The following KLHL32 variants were observed in gnomAD, a reference collection of about 807,000 sequenced individuals.
The protein encoded by KLHL32 is kelch-like protein 32.
A neutral mutation model predicts 64.8 loss-of-function variants in KLHL32; 35 were observed. The observed-to-expected ratio is 0.54, with a 90% CI of 0.41 to 0.72. The LOEUF (loss-of-function observed/expected upper bound fraction) is 0.72. Among genes scored for constraint, KLHL32 ranks in the 30% least tolerant of loss-of-function variants. The pLI is 0.00. For missense variants in KLHL32, 589 were observed against 768.5 expected, an observed-to-expected ratio of 0.77 and a Z score of 2.76; for synonymous variants, 259 against 281.0, an observed-to-expected ratio of 0.92 and a Z score of 0.78.
At chr6:97,036,818 C>A (rs1024765584) in intron 3 of KLHL32, among the ~76,000 whole-genome samples, 11 of 152,168 alleles carry the variant, frequency 7.2e-5, no homozygotes, top group African/African-American at 2.4e-4. Context: ...CCAGGGGATG[C>A]AAGGCATGGG....
At chr6:97,029,817 T>C (rs933826676) in intron 3 of KLHL32, among the ~76,000 whole-genome samples, 14 of 152,232 alleles carry the variant, frequency 9.2e-5, no homozygotes, top group Admixed American at 6.5e-5. Context: ...CTAATAACCA[T>C]TAACACTAAA....
At chr6:96,905,900 G>A in the KLHL32 span, among the ~76,000 whole-genome samples, 4 of 152,138 alleles carry the variant, frequency 2.6e-5, no homozygotes, top group African/African-American at 4.8e-5. Context: ...TTTTTAAAAT[G>A]GTGAAGGATA....
chr6:96,913,366 G>A, the KLHL32 span, among the ~76,000 whole-genome samples: 335 of 152,252 alleles, frequency 2.2e-3, 1 homozygote, highest in African/African-American at 7.7e-3. Flanking sequence ...ACGTAATGTA[G>A]GTCCCAGCTT....
chr6:97,017,342 C>T (rs1338697607), intron 3 of KLHL32, among the ~76,000 whole-genome samples: 1 of 152,152 alleles, frequency 6.6e-6, no homozygotes, highest in Admixed American at 6.5e-5. Flanking sequence ...TTCTTAATCT[C>T]CAGGGTTCTT....
chr6:97,088,068 C>T (rs964373964), intron 6 of KLHL32, among the ~76,000 whole-genome samples: 5 of 152,120 alleles, frequency 3.3e-5, no homozygotes, highest in African/African-American at 1.2e-4. Flanking sequence ...TCCTCCTAGA[C>T]AAATTTTCAT....
At chr6:97,128,219 C>A (rs1226859082) in intron 8 of KLHL32, among the ~76,000 whole-genome samples, 4 of 152,218 alleles carry the variant, frequency 2.6e-5, no homozygotes, top group African/African-American at 9.6e-5. Context: ...GCCACCAAAT[C>A]TATGTCCCTA....
At chr6:96,962,324 C>T (rs549373172) in intron 1 of KLHL32, among the ~76,000 whole-genome samples, 2 of 152,158 alleles carry the variant, frequency 1.3e-5, no homozygotes, top group Non-Finnish European at 2.9e-5. Context: ...AAATGGAGAA[C>T]GTTCCACTAA....
At chr6:96,906,417 G>A in the KLHL32 span, among the ~76,000 whole-genome samples, 1 of 152,164 alleles carries the variant, frequency 6.6e-6, no homozygotes, top group African/African-American at 2.4e-5. Flanking sequence ...TTGCAGGTCA[G>A]GTGGTGGTAG....
At chr6:96,955,060 A>C (rs193283950) in intron 1 of KLHL32, among the ~76,000 whole-genome samples, 2 of 152,310 alleles carry the variant, frequency 1.3e-5, no homozygotes, top group Non-Finnish European at 2.9e-5. Flanking sequence ...CGAGAGAGGA[A>C]GCAAGCTCTG....
chr6:96,909,147 C>A, the KLHL32 span, among the ~76,000 whole-genome samples: 1 of 152,020 alleles, frequency 6.6e-6, no homozygotes. Context: ...AGTTATCAGA[C>A]AAGAGGGATA....
chr6:97,062,640 T>C (rs1030865969), intron 4 of KLHL32: 3 of 152,132 alleles, frequency 2.0e-5, no homozygotes, highest in African/African-American at 7.2e-5. Context: ...GATCAATTAA[T>C]TCATTAGCAT....
intron 6 of KLHL32, among the ~76,000 whole-genome samples, chr6:97,096,301 A>T (rs1794978924): frequency 6.6e-6 from 1 of 152,224 alleles, no homozygotes; most frequent in African/African-American, 2.4e-5. Flanking sequence ...GCATGCACAC[A>T]CACATATTAG....
chr6:96,999,267 G>C (rs1002436257), intron 3 of KLHL32, among the ~76,000 whole-genome samples: 2 of 151,898 alleles, frequency 1.3e-5, no homozygotes, highest in Admixed American at 1.3e-4. Context: ...ATGGTCACAC[G>C]TGCCTGTAGT....
intron 4 of KLHL32, among the ~76,000 whole-genome samples, chr6:97,044,527 A>G (rs1374645723): frequency 6.6e-6 from 1 of 152,130 alleles, no homozygotes. Context: ...CATAAAATGA[A>G]TTTGAAAGTA....
chr6:96,936,869 G>C (rs1008970653), intron 1 of KLHL32, among the ~76,000 whole-genome samples: 1 of 152,042 alleles, frequency 6.6e-6, no homozygotes, highest in African/African-American at 2.4e-5. Flanking sequence ...GGCCTGGAAT[G>C]CCCTGCCTCC....
chr6:97,056,601 C>T (rs1336993324), intron 4 of KLHL32, among the ~76,000 whole-genome samples: 2 of 152,186 alleles, frequency 1.3e-5, no homozygotes, highest in East Asian at 3.9e-4. Flanking sequence ...GTCATCCAGA[C>T]CCAAGTTATT....
chr6:97,022,061 C>T (rs1325781990), intron 3 of KLHL32, among the ~76,000 whole-genome samples: 1 of 150,910 alleles, frequency 6.6e-6, no homozygotes, highest in East Asian at 1.9e-4. Flanking sequence ...TTTGCAGTAT[C>T]CTCCTAGTCT....
At chr6:97,046,815 T>G (rs1786000884) in intron 4 of KLHL32, among the ~76,000 whole-genome samples, 2 of 152,360 alleles carry the variant, frequency 1.3e-5, no homozygotes, top group African/African-American at 4.8e-5. Context: ...TTCAGTTTCT[T>G]AACTGTTATT....
Position 96,954,691 on chromosome 6 carries a change from A to T in KLHL32, c.-65-12305A>T, listed in dbSNP as rs1340397009. On this transcript the variant is annotated intron_variant, in intron 1 of 10. Transcript: ENST00000369261. ...TTTTCAGATGGCACCTCTACCCTCT[A>T]CTGAACGTGGCATTCCCCAGTCTAG... Among the ~76,000 whole-genome samples, 3 of 152,258 alleles carry T rather than the reference A, an allele frequency of 2.0e-5. No homozygotes were observed. In the South Asian group the frequency reaches 6.2e-4, roughly 32 times the overall value.
Sources: allele counts gnomAD v4.1 joint callset (sites outside exome capture counted in the v4.1 genomes callset), GRCh38; gene constraint gnomAD v4.1.1; transcripts MANE v1.5; gene names NCBI Gene and HGNC (gene_info 2026-07-23, HGNC 2026-07-21).